The following ULK4 variants were observed in gnomAD, a reference collection of about 807,000 sequenced individuals.
ULK4 encodes the protein inactive serine/threonine-protein kinase ULK4.
Under a neutral mutation model 160.6 loss-of-function variants are expected in ULK4, and 133 were observed. The observed-to-expected ratio is 0.83, with a 90% CI of 0.72 to 0.96. The LOEUF (loss-of-function observed/expected upper bound fraction) is 0.96. ULK4 is among the 40% of genes least tolerant of loss of function. The pLI is 0.00. For synonymous variants in ULK4, 534 were observed against 539.8 expected (o/e 0.99, Z 0.15); for missense variants, 1,580 against 1,499.5 (o/e 1.05, Z -0.89).
chr3:41,333,767 A>C (rs954198664), intron 35 of ULK4, among the ~76,000 whole-genome samples: 1 of 152,138 alleles, frequency 6.6e-6, no homozygotes, highest in Non-Finnish European at 1.5e-5. Flanking sequence ...AAAATAAACC[A>C]ATTTGGCAGC....
chr3:41,553,567 G>A (rs1343634013), intron 32 of ULK4, among the ~76,000 whole-genome samples: 1 of 152,068 alleles, frequency 6.6e-6, no homozygotes, highest in Non-Finnish European at 1.5e-5. Flanking sequence ...CAGTTAGAAT[G>A]GCTATTACCA....
At chr3:41,249,778 G>T (rs1371615341) in intron 35 of ULK4, among the ~76,000 whole-genome samples, 1 of 152,198 alleles carries the variant, frequency 6.6e-6, no homozygotes, top group Admixed American at 6.5e-5. Context: ...GCAGGACACT[G>T]GTGGTCCTCA....
intron 35 of ULK4, among the ~76,000 whole-genome samples, chr3:41,395,783 C>T (rs1329729422): frequency 6.6e-6 from 1 of 152,088 alleles, no homozygotes; most frequent in Non-Finnish European, 1.5e-5. Flanking sequence ...AAATTTTATG[C>T]TATATACATT....
At chr3:41,913,486 A>G (rs1401255938) in intron 8 of ULK4, among the ~76,000 whole-genome samples, 1 of 152,096 alleles carries the variant, frequency 6.6e-6, no homozygotes, top group Non-Finnish European at 1.5e-5. Context: ...CCGCCTCCCA[A>G]AGTGCTGGGA....
chr3:41,296,553 A>C (rs758537161), intron 35 of ULK4, among the ~76,000 whole-genome samples: 7 of 152,158 alleles, frequency 4.6e-5, no homozygotes, highest in Non-Finnish European at 7.4e-5. Flanking sequence ...CTCTGTAGGG[A>C]GGCTGCCATG....
At chr3:41,590,064 G>A (rs963808051) in intron 31 of ULK4, among the ~76,000 whole-genome samples, 3 of 151,592 alleles carry the variant, frequency 2.0e-5, no homozygotes, top group Non-Finnish European at 4.4e-5. Flanking sequence ...GTACAGTGGC[G>A]CGATCTCGGC....
At chr3:41,811,818 C>T (rs10510731) in intron 19 of ULK4, among the ~76,000 whole-genome samples, 18,851 of 152,086 alleles carry the variant, frequency 0.12, 1,357 homozygotes, top group Middle Eastern at 0.27. Flanking sequence ...CCTCATCCTG[C>T]GTCATGTTGT....
intron 35 of ULK4, among the ~76,000 whole-genome samples, chr3:41,368,271 A>G (rs55763747): frequency 0.55 from 82,731 of 151,740 alleles, 24,046 homozygotes; most frequent in African/African-American, 0.77. Flanking sequence ...GGATGGTCTC[A>G]ATCTCCTGAC....
intron 11 of ULK4, among the ~76,000 whole-genome samples, chr3:41,910,486 C>T (rs1046035585): frequency 6.6e-6 from 1 of 151,862 alleles, no homozygotes; most frequent in East Asian, 2.0e-4. Context: ...CCCAGCTACT[C>T]TCGGGAGGCT....
chr3:41,750,615 C>G (rs1244379115), intron 22 of ULK4, among the ~76,000 whole-genome samples: 6 of 151,572 alleles, frequency 4.0e-5, no homozygotes, highest in Non-Finnish European at 7.4e-5. Context: ...CTTTCCAAAA[C>G]AAAAAAAACA....
chr3:41,618,429 G>A (rs1359543214), intron 30 of ULK4, among the ~76,000 whole-genome samples: 3 of 152,192 alleles, frequency 2.0e-5, no homozygotes, highest in Admixed American at 2.0e-4. Context: ...AGATCTCTCT[G>A]CAGAAATACT....
At chr3:41,393,982 G>T (rs576100951) in intron 35 of ULK4, among the ~76,000 whole-genome samples, 2 of 152,244 alleles carry the variant, frequency 1.3e-5, no homozygotes, top group African/African-American at 4.8e-5. Context: ...CTATAAAATG[G>T]TAATAATCTG....
chr3:41,479,156 T>C (rs1409555150), intron 32 of ULK4, among the ~76,000 whole-genome samples: 1 of 152,242 alleles, frequency 6.6e-6, no homozygotes. Context: ...AGCTGGGCAA[T>C]GAACTGGAGA....
chr3:41,827,569 G>C (rs1282087303), intron 18 of ULK4, among the ~76,000 whole-genome samples: 1 of 152,086 alleles, frequency 6.6e-6, no homozygotes, highest in East Asian at 1.9e-4. Context: ...TAAATTCCTC[G>C]ACATATACAC....
intron 22 of ULK4, among the ~76,000 whole-genome samples, chr3:41,745,004 C>T (rs996656879): frequency 2.0e-5 from 3 of 151,416 alleles, no homozygotes; most frequent in Admixed American, 1.3e-4. Flanking sequence ...TAAAAAGATA[C>T]ATTAAACTAC....
At chr3:41,287,768 A>C (rs2079490339) in intron 35 of ULK4, among the ~76,000 whole-genome samples, 1 of 152,224 alleles carries the variant, frequency 6.6e-6, no homozygotes, top group African/African-American at 2.4e-5. Context: ...CATGATATTA[A>C]CATTTGCCAG....
At chr3:41,262,916 GAC>G (rs201287208) in intron 35 of ULK4, among the ~76,000 whole-genome samples, 1 of 129,220 alleles carries the variant, frequency 7.7e-6, no homozygotes, top group Admixed American at 7.3e-5. Context: ...AATAAGTGAG[GAC>G]ACAGTTTTAA....
At chr3:41,380,680 G>A (rs573404266) in intron 35 of ULK4, among the ~76,000 whole-genome samples, 30 of 152,108 alleles carry the variant, frequency 2.0e-4, no homozygotes, top group South Asian at 8.3e-4. Flanking sequence ...TATACAGGTC[G>A]CCATGTAAAG....
chr3:41,290,590 G>A (rs1240027382), intron 35 of ULK4, among the ~76,000 whole-genome samples: 1 of 149,420 alleles, frequency 6.7e-6, no homozygotes, highest in Non-Finnish European at 1.5e-5. Flanking sequence ...GGTTTCCACT[G>A]GGAGGGGGTT....
Sources: allele counts gnomAD v4.1 joint callset (sites outside exome capture counted in the v4.1 genomes callset), GRCh38; gene constraint gnomAD v4.1.1; transcripts MANE v1.5; gene names NCBI Gene and HGNC (gene_info 2026-07-23, HGNC 2026-07-21).